GREM2: variants seen among roughly 807,000 people sequenced by gnomAD.
GREM2 encodes the protein gremlin-2.
In GREM2, 11 loss-of-function variants were observed where a neutral mutation model predicts 14.2. The ratio of observed to expected loss-of-function variants is 0.78; its 90% confidence interval spans 0.49 to 1.28. GREM2 has a LOEUF of 1.28. Among genes scored for constraint, GREM2 ranks in the 50% most tolerant of loss-of-function variants. The pLI, the probability that GREM2 is intolerant of heterozygous loss-of-function variation, is 0.00. For synonymous variants in GREM2, 98 were observed against 97.6 expected, an observed-to-expected ratio of 1.00 and a Z score of -0.02; for missense variants, 210 against 218.5, an observed-to-expected ratio of 0.96 and a Z score of 0.24.
chr1:240,513,490 G>A (rs1465445332), intron 1 of GREM2, among the ~76,000 whole-genome samples: 4 of 150,362 alleles, frequency 2.7e-5, no homozygotes, highest in Non-Finnish European at 5.9e-5. Flanking sequence ...CAAGAGAATC[G>A]CTTTAACCTG....
At chr1:240,594,747 T>G (rs368372720) in intron 1 of GREM2, among the ~76,000 whole-genome samples, 4 of 152,132 alleles carry the variant, frequency 2.6e-5, no homozygotes, top group African/African-American at 9.6e-5. Context: ...TATTCAGTCA[T>G]GTGTCACTTA....
chr1:240,512,620 C>T lies in GREM2; in HGVS notation c.-1-19144G>A, dbSNP rs1053433807. 1.1e-4 allele frequency among the ~76,000 whole-genome samples: 13 copies of T among 122,746 alleles called. No homozygotes were observed. The South Asian group carries it at 2.8e-3, about 26-fold the overall frequency. 80.5% of individuals were successfully genotyped at this position (122,746 alleles called of 152,430 possible). A position where few individuals can be genotyped will look rare whatever the true frequency, so the allele number is the denominator to read the frequency against. On this transcript the variant is annotated intron_variant, in intron 1 of 1. Transcript: ENST00000318160. ...GCTAATTGTAATACATTCTTACTTC[C>T]CTGACGCATTGATTTAAAGAAAAAA...
chr1:240,498,678 C>T (rs1244190379), intron 1 of GREM2, among the ~76,000 whole-genome samples: 1 of 152,210 alleles, frequency 6.6e-6, no homozygotes, highest in Non-Finnish European at 1.5e-5. Flanking sequence ...TAGAAAGTCC[C>T]ACTCTGTCCT....
At chr1:240,531,630 A>T in intron 1 of GREM2, 1 of 985,186 alleles carries the variant, frequency 1.0e-6, no homozygotes, top group Non-Finnish European at 1.2e-6. Context: ...TGCTCTGCCC[A>T]TTACCTGCAA....
At chr1:240,517,770 C>A (rs182153591) in intron 1 of GREM2, among the ~76,000 whole-genome samples, 2 of 152,250 alleles carry the variant, frequency 1.3e-5, no homozygotes, top group East Asian at 3.9e-4. Flanking sequence ...TGAGTCTGAT[C>A]ACACGTAGAG....
Position 240,543,140 on chromosome 1 carries a change from C to G in GREM2, c.-1-49664G>C, listed in dbSNP as rs1362360104. ...TTATTTGACTATTATTTTACATCCC[C>G]CATCAGATTGTGGATCACCTAAGGC... is the stretch of plus-strand genomic sequence containing the variant. On this transcript the variant is annotated intron_variant, in intron 1 of 1. Transcript: ENST00000318160. The surrounding 1 kb of genome is among the most constrained non-coding windows in gnomAD (Gnocchi z 6.4). Among the ~76,000 whole-genome samples, 3 of 152,158 alleles carry G rather than the reference C, an allele frequency of 2.0e-5. No individual in the cohort carries two copies. Among genetic ancestry groups the G allele is most frequent in the Non-Finnish European group, 4.4e-5 (3 of 68,052 alleles).
Position 240,538,354 on chromosome 1 carries a change from C to T in GREM2, c.-1-44878G>A, listed in dbSNP as rs1311681109. On this transcript the variant is annotated intron_variant, in intron 1 of 1. Coordinates refer to ENST00000318160, the MANE Select transcript of GREM2 (RefSeq NM_022469.4). Reference sequence around the variant, plus strand: ...GTAACCTGGGAAAAGGTTTAAAACACCATGGAATCATCCAGTGATTTCACC... The same window carrying T: ...GTAACCTGGGAAAAGGTTTAAAACATCATGGAATCATCCAGTGATTTCACC... 2.6e-5 allele frequency among the ~76,000 whole-genome samples: 4 copies of T among 152,232 alleles called. No homozygotes were observed. In the East Asian group the frequency reaches 7.7e-4, roughly 29 times the overall value.
At position 240,583,841 on chromosome 1, in the gene GREM2, A is replaced by G. The variant is rs1231789437; in HGVS notation, c.-2+28043T>C. Reference sequence around the variant, plus strand: ...ATGGTCTCAATCTCTTGACCTCGTGATCTGCCCACCTCGGCCTCCCAAAGT... The same window carrying G: ...ATGGTCTCAATCTCTTGACCTCGTGGTCTGCCCACCTCGGCCTCCCAAAGT... On this transcript the variant is annotated intron_variant, in intron 1 of 1. Coordinates refer to ENST00000318160, the MANE Select transcript of GREM2 (RefSeq NM_022469.4). 8.5e-5 allele frequency among the ~76,000 whole-genome samples: 13 copies of G among 152,128 alleles called. No homozygotes were observed. The East Asian group carries it at 2.5e-3, about 30-fold the overall frequency.
intron 1 of GREM2, among the ~76,000 whole-genome samples, chr1:240,555,151 AAAG>A (rs1364673711): frequency 7.6e-5 from 3 of 39,504 alleles, no homozygotes; most frequent in Non-Finnish European, 1.4e-4. Context: ...ATCTCAAAAA[AAAG>A]AAAGAAAGAA....
intron 1 of GREM2, among the ~76,000 whole-genome samples, chr1:240,556,962 A>G (rs11806690): frequency 0.22 from 33,927 of 151,858 alleles, 6,096 homozygotes; most frequent in African/African-American, 0.5. Context: ...CTGAGCTCAG[A>G]AGTTCGAGAC....
At chr1:240,594,208 C>T (rs1571948599) in intron 1 of GREM2, among the ~76,000 whole-genome samples, 1 of 152,092 alleles carries the variant, frequency 6.6e-6, no homozygotes, top group East Asian at 1.9e-4. Context: ...CCTGCCTTGG[C>T]CTCCCAAAGT....
At chr1:240,510,340 A>G (rs1442835899) in intron 1 of GREM2, among the ~76,000 whole-genome samples, 1 of 123,492 alleles carries the variant, frequency 8.1e-6, no homozygotes, top group Non-Finnish European at 1.6e-5. Context: ...ACTGCACTCC[A>G]GCCTGGGCGA....
At chr1:240,501,989 G>C (rs1677578770) in intron 1 of GREM2, among the ~76,000 whole-genome samples, 1 of 151,458 alleles carries the variant, frequency 6.6e-6, no homozygotes, top group Admixed American at 6.6e-5. Context: ...TTTTTTTTCA[G>C]ATAAAGATTT....
chr1:240,574,277 C>A (rs891040063), intron 1 of GREM2, among the ~76,000 whole-genome samples: 2 of 151,916 alleles, frequency 1.3e-5, no homozygotes, highest in African/African-American at 4.8e-5. Context: ...AAACGATCTC[C>A]CCACTCCTCA....
intron 1 of GREM2, among the ~76,000 whole-genome samples, chr1:240,580,766 T>A (rs11484986): frequency 0.049 from 7,528 of 152,196 alleles, 630 homozygotes; most frequent in African/African-American, 0.17. Context: ...AGAGATGGTG[T>A]CTCACTATTT....
chr1:240,511,290 T>C (rs1156433896), intron 1 of GREM2, among the ~76,000 whole-genome samples: 1 of 152,008 alleles, frequency 6.6e-6, no homozygotes. Context: ...CAATGAAAAA[T>C]AACACAACAA....
At chr1:240,586,860 T>C (rs1165823971) in intron 1 of GREM2, among the ~76,000 whole-genome samples, 1 of 152,208 alleles carries the variant, frequency 6.6e-6, no homozygotes, top group East Asian at 1.9e-4. Flanking sequence ...TATCAGGGGT[T>C]CTAGTCAGTT....
intron 1 of GREM2, among the ~76,000 whole-genome samples, chr1:240,548,949 A>G (rs1678791381): frequency 6.6e-6 from 1 of 152,246 alleles, no homozygotes; most frequent in Non-Finnish European, 1.5e-5. Flanking sequence ...ATGACTGAAC[A>G]AAAGATCTCT....
At chr1:240,527,131 C>T (rs12034261) in intron 1 of GREM2, among the ~76,000 whole-genome samples, 45,823 of 152,014 alleles carry the variant, frequency 0.3, 7,133 homozygotes, top group Middle Eastern at 0.36. Flanking sequence ...ATTTGTATCC[C>T]TGACATGTTG....
Sources: gnomAD v4.1 joint callset for allele counts (sites outside exome capture counted in the v4.1 genomes callset) on GRCh38, gnomAD v4.1.1 for gene constraint, Gnocchi (gnomAD v3.1) non-coding constraint, MANE v1.5 for transcripts, NCBI Gene and HGNC (gene_info 2026-07-23, HGNC 2026-07-21) for gene names.